Variants in OSBP2 observed in about 807,000 individuals in gnomAD.
OSBP2 encodes the protein oxysterol binding protein 2.
OSBP2 carries 66 observed loss-of-function variants against 96.0 expected under a neutral mutation model. The ratio of observed to expected loss-of-function variants is 0.69; its 90% CI spans 0.56 to 0.84. The LOEUF is 0.84. Among genes scored for constraint, OSBP2 ranks in the 40% least tolerant of loss-of-function variants. The pLI is 0.00. For missense variants in OSBP2, 1,038 were observed against 1,222.7 expected (o/e 0.85, Z 2.25); for synonymous variants, 525 against 520.9 (o/e 1.01, Z -0.11).
chr22:30,723,627 T>A lies in OSBP2; in HGVS notation c.645-17534T>A, dbSNP rs556344462. 2.6e-5 allele frequency among the ~76,000 whole-genome samples: 4 copies of A among 152,166 alleles called. No homozygotes were observed. The East Asian group carries it at 5.8e-4, about 22-fold the overall frequency. ...CGGGGTTTCACCATGTTGGCCAGGCTGGTCTCGAACTCCTGACCTTAAGTG... is the reference window on the plus strand; with the variant it reads ...CGGGGTTTCACCATGTTGGCCAGGCAGGTCTCGAACTCCTGACCTTAAGTG... On this transcript the variant is annotated intron_variant, in intron 1 of 13. Coordinates refer to ENST00000332585, the MANE Select transcript of OSBP2 (RefSeq NM_030758.4).
chr22:30,865,651 A>AAAAAAG, intron 2 of OSBP2, among the ~76,000 whole-genome samples: 1 of 151,014 alleles, frequency 6.6e-6, no homozygotes, highest in Non-Finnish European at 1.5e-5. Flanking sequence ...AAAAAAAAAA[A>AAAAAAG]AAAAAGACAG....
chr22:30,802,900 C>T (rs1430354635), intron 2 of OSBP2, among the ~76,000 whole-genome samples: 3 of 152,230 alleles, frequency 2.0e-5, no homozygotes, highest in Admixed American at 6.5e-5. Flanking sequence ...CCTCTAGGTC[C>T]GGCTGCTCTC....
At chr22:30,817,039 T>C (rs1296381028) in intron 2 of OSBP2, among the ~76,000 whole-genome samples, 1 of 152,130 alleles carries the variant, frequency 6.6e-6, no homozygotes, top group Non-Finnish European at 1.5e-5. Context: ...CCAGCCCCCA[T>C]TTCAATTTTC....
intron 2 of OSBP2, among the ~76,000 whole-genome samples, chr22:30,763,931 C>T (rs1006440050): frequency 1.3e-5 from 2 of 152,180 alleles, no homozygotes; most frequent in Admixed American, 1.3e-4. Flanking sequence ...TTTTACTTGA[C>T]ACAGGGGGGC....
intron 2 of OSBP2, among the ~76,000 whole-genome samples, chr22:30,869,971 C>T (rs772812499): frequency 5.9e-5 from 9 of 152,172 alleles, no homozygotes; most frequent in Middle Eastern, 3.4e-3. Context: ...GTTGACTGGA[C>T]GGGGGTGATT....
Position 30,871,881 on chromosome 22 carries a change from C to T in OSBP2, c.1107+1199C>T, listed in dbSNP as rs2039466812. Among the ~76,000 whole-genome samples, 1 of 152,238 alleles carries T rather than the reference C, an allele frequency of 6.6e-6. No individual in the cohort carries two copies. The highest frequency in any genetic ancestry group is 1.5e-5 in the Non-Finnish European group (1 of 68,040). On this transcript the variant is annotated intron_variant, in intron 3 of 13. Transcript: ENST00000332585. This position sits in a 1 kb window ranked among gnomAD's most constrained non-coding sequence, Gnocchi z 4.7. ...TGATTGTGGGGCAGGAGGGCCACCC[C>T]ACCACCCACACCTGCCCAGATATGC...
intron 2 of OSBP2, among the ~76,000 whole-genome samples, chr22:30,779,322 C>T (rs1602252225): frequency 6.7e-6 from 1 of 149,712 alleles, no homozygotes; most frequent in Non-Finnish European, 1.5e-5. Context: ...GCAGGTCTTG[C>T]ACTCCTGACC....
chr22:30,773,609 G>A (rs1303935185), intron 2 of OSBP2, among the ~76,000 whole-genome samples: 1 of 152,150 alleles, frequency 6.6e-6, no homozygotes, highest in Non-Finnish European at 1.5e-5. Context: ...ATTTGTTGGA[G>A]GAATGGGGGA....
chr22:30,775,382 C>T (rs922603890), intron 2 of OSBP2, among the ~76,000 whole-genome samples: 3 of 151,632 alleles, frequency 2.0e-5, no homozygotes, highest in Non-Finnish European at 2.9e-5. Flanking sequence ...CTGAGGCAGG[C>T]GGATCACTTG....
intron 2 of OSBP2, among the ~76,000 whole-genome samples, chr22:30,815,753 C>T (rs1005160513): frequency 6.6e-6 from 1 of 151,956 alleles, no homozygotes; most frequent in Non-Finnish European, 1.5e-5. Context: ...TTAAAAATTT[C>T]TTAGCCCAAA....
intron 2 of OSBP2, among the ~76,000 whole-genome samples, chr22:30,863,504 C>T (rs2039268114): frequency 6.6e-6 from 1 of 152,098 alleles, no homozygotes; most frequent in South Asian, 2.1e-4. Flanking sequence ...GGATGCATGC[C>T]CTGCTTAAAG....
chr22:30,816,309 G>C (rs1180032992), intron 2 of OSBP2, among the ~76,000 whole-genome samples: 1 of 151,714 alleles, frequency 6.6e-6, no homozygotes, highest in East Asian at 1.9e-4. Context: ...GAAATAAATG[G>C]GCAGTCATCC....
intron 1 of OSBP2, among the ~76,000 whole-genome samples, chr22:30,732,894 C>G (rs909880189): frequency 6.6e-6 from 1 of 152,164 alleles, no homozygotes; most frequent in Non-Finnish European, 1.5e-5. Context: ...GAATTTATGG[C>G]CAGGAGTCAC....
rs1465295494 is a variant in OSBP2, at chr22:30,889,574, C to CT, written c.1563dup (p.Asn522Ter). 1 of 1,614,014 alleles carries CT rather than the reference C, an allele frequency of 6.2e-7. No homozygotes were observed. The highest frequency in any genetic ancestry group is 8.5e-7 in the Non-Finnish European group (1 of 1,180,010). ...CATTCCCAACAAGCCCAACTACAGC[C>CT]TTAACCTCTGGAGCATCATGAAGAA... On this transcript the variant is annotated frameshift_variant, in exon 7 of 14. Transcript: ENST00000332585. LOFTEE classifies it high-confidence loss of function.
At chr22:30,894,342 G>A (rs1448842354) in intron 12 of OSBP2, 2 of 228,464 alleles carry the variant, frequency 8.8e-6, no homozygotes, top group East Asian at 9.6e-5. Flanking sequence ...ATAGAAATTC[G>A]ACAAAGGGAA....
At chr22:30,767,351 T>C (rs74725541) in intron 2 of OSBP2, among the ~76,000 whole-genome samples, 2,073 of 151,600 alleles carry the variant, frequency 0.014, 42 homozygotes, top group African/African-American at 0.047. Flanking sequence ...TAAACAGAAG[T>C]GAACAGAAGA....
intron 2 of OSBP2, among the ~76,000 whole-genome samples, chr22:30,852,860 A>G (rs1194173946): frequency 7.2e-5 from 11 of 152,306 alleles, no homozygotes; most frequent in Admixed American, 5.9e-4. Flanking sequence ...AATGTTTTCT[A>G]ATTTCCAGTT....
At chr22:30,835,839 T>TC (rs1163190492) in intron 2 of OSBP2, among the ~76,000 whole-genome samples, 1 of 150,390 alleles carries the variant, frequency 6.6e-6, no homozygotes, top group Non-Finnish European at 1.5e-5. Context: ...CACCTCAGCC[T>TC]CCCAAGTAGC....
intron 2 of OSBP2, among the ~76,000 whole-genome samples, chr22:30,807,841 A>C (rs1280057735): frequency 6.6e-6 from 1 of 152,176 alleles, no homozygotes; most frequent in Non-Finnish European, 1.5e-5. Flanking sequence ...GCAGTGATGC[A>C]GTCACAGTTT....
Sources: allele counts gnomAD v4.1 joint callset (sites outside exome capture counted in the v4.1 genomes callset), GRCh38; gene constraint gnomAD v4.1.1; non-coding constraint Gnocchi (gnomAD v3.1); transcripts MANE v1.5; gene names NCBI Gene and HGNC (gene_info 2026-07-23, HGNC 2026-07-21).